The following SP140L variants were observed in gnomAD, a reference collection of about 807,000 sequenced individuals.
The protein encoded by SP140L is SP140 like nuclear body protein, also known as nuclear body protein SP140-like protein.
A neutral mutation model predicts 84.3 loss-of-function variants in SP140L; 64 were observed. The ratio of observed to expected loss-of-function variants is 0.76; its 90% confidence interval spans 0.62 to 0.94. SP140L has a LOEUF of 0.94. SP140L is among the 40% of genes least tolerant of loss of function. SP140L has a pLI of 0.00. For synonymous variants in SP140L, 242 were observed against 236.9 expected, an observed-to-expected ratio of 1.02 and a Z score of -0.20; for missense variants, 628 against 692.5, an observed-to-expected ratio of 0.91 and a Z score of 1.05.
At chr2:230,402,276 A>T (rs1183052021) in intron 18 of SP140L, among the ~76,000 whole-genome samples, 1 of 152,208 alleles carries the variant, frequency 6.6e-6, no homozygotes. Flanking sequence ...ATACCCTTCC[A>T]CTATCTGAAT....
Position 230,392,321 on chromosome 2 carries a change from A to G in SP140L, c.1107+92A>G, listed in dbSNP as rs565852443. The G allele has an allele frequency of 2.5e-5, 39 of 1,572,018 alleles. No individual in the cohort carries two copies. The African/African-American group carries it at 4.9e-4, about 20-fold the overall frequency. On this transcript the variant is annotated intron_variant, in intron 12 of 18. Transcript: ENST00000415673. ...TTATTCACCAAATATTTGTTAGGTT[A>G]TAGCTAAAGCCTTGATGCCAGTGAG...
At chr2:230,393,695 C>A (rs2061924364) in intron 13 of SP140L, among the ~76,000 whole-genome samples, 1 of 152,148 alleles carries the variant, frequency 6.6e-6, no homozygotes, top group Non-Finnish European at 1.5e-5. Context: ...TGCTGAGGAG[C>A]CCTCAAAACA....
At chr2:230,327,405 G>C (rs532113846) in intron 1 of SP140L, 104 bp downstream of exon 1, 40 of 1,331,680 alleles carry the variant, frequency 3.0e-5, no homozygotes, top group Non-Finnish European at 4.2e-5. Flanking sequence ...GTCCTGCTTT[G>C]CAAGAACATA....
rs1230008172 is a variant in SP140L, at chr2:230,371,654, A to G, written c.637+3A>G. 7 of 1,585,608 alleles carry G rather than the reference A, an allele frequency of 4.4e-6. No individual in the cohort carries two copies. Among genetic ancestry groups the G allele is most frequent in the African/African-American group, 1.4e-5 (1 of 73,980 alleles). On this transcript the variant is annotated splice_donor_region_variant and intron_variant, in intron 7 of 18. Transcript: ENST00000415673. The stretch of plus-strand genomic sequence containing the variant: ...GGGAAAACCCAAGAGGAAAAGAAGT[A>G]AGAATAAATAAGAATTTACTTGCTT...
chr2:230,403,215 T>C lies in SP140L; in HGVS notation c.*319T>C, dbSNP rs1575568101. The C allele has an allele frequency of 4.7e-6, 1 of 211,118 alleles. No homozygotes were observed. The highest frequency in any genetic ancestry group is 9.3e-6 in the Non-Finnish European group (1 of 107,660). The allele number at this position is 211,118 out of a possible 1,614,324, so 13.1% of individuals were successfully genotyped here. ...TCACAAGACCTTTTTCCTCCGTTTT[T>C]TTTTTGAGATGGAGTCTCACACAGT... On this transcript the variant is annotated 3_prime_UTR_variant, in exon 19 of 19. Coordinates refer to ENST00000415673, the MANE Select transcript of SP140L (RefSeq NM_138402.6).
intron 8 of SP140L, among the ~76,000 whole-genome samples, chr2:230,384,594 A>G (rs1292129497): frequency 6.6e-6 from 1 of 152,192 alleles, no homozygotes; most frequent in Non-Finnish European, 1.5e-5. Flanking sequence ...GGAAAGAAAA[A>G]CAAGTGGTTG....
At chr2:230,381,610 C>T (rs1009208216) in intron 7 of SP140L, among the ~76,000 whole-genome samples, 2 of 152,072 alleles carry the variant, frequency 1.3e-5, no homozygotes, top group African/African-American at 4.8e-5. Context: ...TATCTCAGCA[C>T]TTTGGGAGAC....
intron 13 of SP140L, among the ~76,000 whole-genome samples, chr2:230,396,207 G>A (rs2062040154): frequency 6.6e-6 from 1 of 152,216 alleles, no homozygotes; most frequent in South Asian, 2.1e-4. Flanking sequence ...ACTCCCTGCA[G>A]GGAATGGGAC....
rs374261433 is a variant in SP140L at position 230,334,439 on chromosome 2, G to A, written c.107+5608G>A. ...AGGTGGTTTCATGGGATTTCACAGG[G>A]AACAAAGATGAATGCAGATGTGTTC... On this transcript the variant is annotated intron_variant, in intron 2 of 18. Transcript: ENST00000415673. Among the ~76,000 whole-genome samples, 11 of 152,272 alleles carry A rather than the reference G, an allele frequency of 7.2e-5. 1 individual carries two copies. The East Asian group carries it at 2.1e-3, about 29-fold the overall frequency.
rs774936700 is a variant in SP140L at position 230,361,589 on chromosome 2, C to T, written c.440-25C>T. 1.8e-5 allele frequency: 28 copies of T among 1,537,448 alleles called. No individual in the cohort carries two copies. The Middle Eastern group carries it at 1.1e-3, about 58-fold the overall frequency. On this transcript the variant is annotated intron_variant, in intron 4 of 18. Coordinates refer to ENST00000415673, the MANE Select transcript of SP140L (RefSeq NM_138402.6). The stretch of plus-strand genomic sequence containing the variant: ...CCTGGTTCTCACAGATCTTTAATTG[C>T]TTTCTTCTCTCTCCCACTCTTCAGC...
chr2:230,387,849 A>G (rs2061649506), intron 9 of SP140L, among the ~76,000 whole-genome samples: 1 of 152,114 alleles, frequency 6.6e-6, no homozygotes, highest in South Asian at 2.1e-4. Flanking sequence ...CCCATTCCTC[A>G]TGGTTAACCT....
chr2:230,392,049 C>A (rs2061833760), intron 11 of SP140L, 38 bp from the exon 12 acceptor site: 14 of 1,612,294 alleles, frequency 8.7e-6, no homozygotes, highest in Non-Finnish European at 7.6e-6. Context: ...GCGCTGGGAA[C>A]AAAGAGGGCT....
At chr2:230,349,154 T>C (rs892335305) in intron 2 of SP140L, among the ~76,000 whole-genome samples, 1 of 152,266 alleles carries the variant, frequency 6.6e-6, no homozygotes, top group South Asian at 2.1e-4. Context: ...CCTCATTTAA[T>C]TGCCTTGGCA....
intron 2 of SP140L, among the ~76,000 whole-genome samples, chr2:230,345,571 G>A (rs751812811): frequency 2.0e-5 from 3 of 148,528 alleles, no homozygotes; most frequent in Non-Finnish European, 4.5e-5. Context: ...TATTCTGGCT[G>A]TTTTGTAGTT....
intron 9 of SP140L, among the ~76,000 whole-genome samples, chr2:230,388,006 A>G (rs1369545986): frequency 6.6e-6 from 1 of 152,172 alleles, no homozygotes; most frequent in South Asian, 2.1e-4. Context: ...TCACCTATGG[A>G]GCACCTAATA....
chr2:230,399,106 G>T (rs1012680015), intron 14 of SP140L, among the ~76,000 whole-genome samples: 1 of 152,164 alleles, frequency 6.6e-6, no homozygotes, highest in African/African-American at 2.4e-5. Context: ...CCCTTGAACG[G>T]CAAAGGGCTC....
rs116549040 is a variant in SP140L at position 230,329,327 on chromosome 2, T to C, written c.107+496T>C. Among the ~76,000 whole-genome samples the C allele has an allele frequency of 2.4e-3, 363 of 152,350 alleles. 3 individuals are homozygous for C. The highest frequency in any genetic ancestry group is 8.4e-3 in the African/African-American group (350 of 41,586). Reference sequence around the variant, plus strand: ...AAAATTATTCTTACATTGGAGCAACTTCAGCCTTCACAGCTTTTATCTTCC... The same window carrying C: ...AAAATTATTCTTACATTGGAGCAACCTCAGCCTTCACAGCTTTTATCTTCC... On this transcript the variant is annotated intron_variant, in intron 2 of 18. Coordinates refer to ENST00000415673, the MANE Select transcript of SP140L (RefSeq NM_138402.6).
intron 14 of SP140L, among the ~76,000 whole-genome samples, chr2:230,399,434 A>G (rs559433382): frequency 3.9e-5 from 6 of 152,300 alleles, no homozygotes; most frequent in Admixed American, 2.0e-4. Context: ...ACTGTATGGT[A>G]CTGTTACCAT....
chr2:230,400,094 T>G, intron 14 of SP140L, 33 bp from the exon 15 acceptor site: 1 of 1,611,516 alleles, frequency 6.2e-7, no homozygotes, highest in Non-Finnish European at 8.5e-7. Flanking sequence ...ATCTTGTGAT[T>G]CCCAGTGACG....
Sources: gnomAD v4.1 joint callset for allele counts (sites outside exome capture counted in the v4.1 genomes callset) on GRCh38, gnomAD v4.1.1 for gene constraint, MANE v1.5 for transcripts, NCBI Gene and HGNC (gene_info 2026-07-23, HGNC 2026-07-21) for gene names.